The following KCNIP1 variants were observed in gnomAD, a reference collection of about 807,000 sequenced individuals.
KCNIP1 encodes potassium voltage-gated channel interacting protein 1, also known as A-type potassium channel modulatory protein KCNIP1.
A neutral mutation model predicts 33.0 loss-of-function variants in KCNIP1; 18 were observed. That is an observed-to-expected ratio of 0.55 (90% CI 0.38 to 0.81). KCNIP1 has a LOEUF of 0.81. Among genes scored for constraint, KCNIP1 ranks in the 30% least tolerant of loss-of-function variants. The pLI, the probability that KCNIP1 is intolerant of heterozygous loss-of-function variation, is 0.00. For synonymous variants in KCNIP1, 93 were observed against 98.3 expected (o/e 0.95, Z 0.32); for missense variants, 238 against 271.6 (o/e 0.88, Z 0.87).
chr5:170,420,590 G>A (rs1410181563), intron 1 of KCNIP1: 1 of 151,580 alleles, frequency 6.6e-6, no homozygotes, highest in Non-Finnish European at 1.5e-5. Flanking sequence ...TATAAAATAT[G>A]TGTTAATCAA....
intron 1 of KCNIP1, among the ~76,000 whole-genome samples, chr5:170,394,715 TACCCAAAAA>T (rs1754713910): frequency 6.6e-6 from 1 of 152,180 alleles, no homozygotes; most frequent in Non-Finnish European, 1.5e-5. Flanking sequence ...GTGAACATAG[TACCCAAAAA>T]GAAGATTTTC....
At chr5:170,718,903 G>A (rs778764319) in intron 2 of KCNIP1, 21 bp downstream of exon 2, 2 of 1,601,686 alleles carry the variant, frequency 1.2e-6, no homozygotes, top group Non-Finnish European at 1.7e-6. Context: ...TGCACGCTCT[G>A]AAGGCCTGGG....
At chr5:170,371,254 T>G (rs1199364923) in intron 1 of KCNIP1, among the ~76,000 whole-genome samples, 1 of 152,158 alleles carries the variant, frequency 6.6e-6, no homozygotes, top group Non-Finnish European at 1.5e-5. Context: ...TGGTCCTGTC[T>G]GTCTTGGCAG....
At chr5:170,416,982 T>C (rs533199580) in intron 1 of KCNIP1, among the ~76,000 whole-genome samples, 43 of 152,356 alleles carry the variant, frequency 2.8e-4, no homozygotes, top group Middle Eastern at 3.4e-3. Context: ...TAATTGAGTG[T>C]ATCTTTTGCC....
At chr5:170,672,682 T>C (rs533329292) in intron 1 of KCNIP1, among the ~76,000 whole-genome samples, 1 of 152,368 alleles carries the variant, frequency 6.6e-6, no homozygotes, top group Non-Finnish European at 1.5e-5. Flanking sequence ...AAATATGTCA[T>C]AGTGTGTCTA....
At chr5:170,540,612 C>T (rs1313137220) in intron 1 of KCNIP1, among the ~76,000 whole-genome samples, 1 of 152,210 alleles carries the variant, frequency 6.6e-6, no homozygotes, top group Non-Finnish European at 1.5e-5. Flanking sequence ...GAAGATTGGG[C>T]AGCCCATCCT....
intron 1 of KCNIP1, among the ~76,000 whole-genome samples, chr5:170,508,949 A>G (rs538368893): frequency 6.6e-5 from 10 of 152,308 alleles, no homozygotes; most frequent in African/African-American, 2.2e-4. Context: ...TCTTGGGGGT[A>G]GGAGCTCGTC....
intron 1 of KCNIP1, among the ~76,000 whole-genome samples, chr5:170,433,372 A>G (rs1371857858): frequency 1.3e-5 from 2 of 152,060 alleles, no homozygotes; most frequent in East Asian, 3.9e-4. Flanking sequence ...TTTTTAGTAG[A>G]GATGGGATTT....
At chr5:170,392,002 G>T (rs13359688) in intron 1 of KCNIP1, among the ~76,000 whole-genome samples, 3,502 of 152,232 alleles carry the variant, frequency 0.023, 126 homozygotes, top group African/African-American at 0.079. Context: ...GCTTCGTAAG[G>T]GCCTCAATAG....
Position 170,489,263 on chromosome 5 carries a change from G to C in KCNIP1, c.88+135299G>C, listed in dbSNP as rs929381324. 2.0e-5 allele frequency among the ~76,000 whole-genome samples: 3 copies of C among 152,230 alleles called. No individual in the cohort carries two copies. The highest frequency in any genetic ancestry group is 2.0e-4 in the Admixed American group (3 of 15,292). On this transcript the variant is annotated intron_variant, in intron 1 of 7. Coordinates refer to the KCNIP1 transcript ENST00000377360. This position sits in a 1 kb window ranked among gnomAD's most constrained non-coding sequence, Gnocchi z 4.3. ...AGATGGAGGACTGCTGGCAGAAACA[G>C]ACAGAAATTTCCCTTGAGAAGGAGA...
At chr5:170,465,243 T>A (rs1408758640) in intron 1 of KCNIP1, among the ~76,000 whole-genome samples, 1 of 152,182 alleles carries the variant, frequency 6.6e-6, no homozygotes, top group Admixed American at 6.5e-5. Context: ...GATCCTACAA[T>A]ATATCCATTA....
At chr5:170,676,006 G>C (rs1762118284) in intron 1 of KCNIP1, among the ~76,000 whole-genome samples, 1 of 151,226 alleles carries the variant, frequency 6.6e-6, no homozygotes, top group Non-Finnish European at 1.5e-5. Context: ...ACAGGTGCAA[G>C]AGCTTGGGCG....
At chr5:170,394,312 A>G (rs1754697705) in intron 1 of KCNIP1, among the ~76,000 whole-genome samples, 1 of 152,192 alleles carries the variant, frequency 6.6e-6, no homozygotes, top group African/African-American at 2.4e-5. Context: ...CCTGTAATTT[A>G]ACATTTATTC....
Position 170,577,966 on chromosome 5 carries a change from A to T in KCNIP1, c.61+73333A>T, listed in dbSNP as rs1433896176. Among the ~76,000 whole-genome samples the T allele has an allele frequency of 2.0e-5, 3 of 152,364 alleles. No homozygotes were observed. In the East Asian group the frequency reaches 5.8e-4, roughly 29 times the overall value. On this transcript the variant is annotated intron_variant, in intron 1 of 7. Coordinates refer to ENST00000328939, the MANE Select transcript of KCNIP1 (RefSeq NM_014592.4). Reference sequence around the variant, plus strand: ...TTACAATTTTTTGCTATCCTAAAAAAAATGTGTCAATGAACAACTTTGAAC... The same window carrying T: ...TTACAATTTTTTGCTATCCTAAAAATAATGTGTCAATGAACAACTTTGAAC...
At chr5:170,672,546 T>C (rs542170605) in intron 1 of KCNIP1, among the ~76,000 whole-genome samples, 1 of 152,344 alleles carries the variant, frequency 6.6e-6, no homozygotes, top group African/African-American at 2.4e-5. Context: ...TTTAAAAAAA[T>C]ATAAGATTAA....
At chr5:170,551,944 ATG>A (rs1489143876) in intron 1 of KCNIP1, among the ~76,000 whole-genome samples, 6 of 150,506 alleles carry the variant, frequency 4.0e-5, no homozygotes, top group African/African-American at 1.5e-4. Flanking sequence ...GTGAGTGTGC[ATG>A]TGTGTCTGAG....
intron 1 of KCNIP1, among the ~76,000 whole-genome samples, chr5:170,691,054 C>T (rs1762700934): frequency 6.6e-6 from 1 of 152,208 alleles, no homozygotes; most frequent in Non-Finnish European, 1.5e-5. Context: ...AAATGATAGA[C>T]TTACTTTCAA....
Position 170,671,894 on chromosome 5 carries a change from G to A in KCNIP1, c.62-46864G>A, listed in dbSNP as rs1195446469. On this transcript the variant is annotated intron_variant, in intron 1 of 7. Transcript: ENST00000328939. ...AAAGCTTAGATGGTAAACTACAGTTGCTCTCAAGCAGTTCACAATGTAACA... is the reference window on the plus strand; with the variant it reads ...AAAGCTTAGATGGTAAACTACAGTTACTCTCAAGCAGTTCACAATGTAACA... Among the ~76,000 whole-genome samples the A allele has an allele frequency of 2.0e-5, 3 of 152,192 alleles. No individual in the cohort carries two copies. In the East Asian group the frequency reaches 5.8e-4, roughly 29 times the overall value.
At chr5:170,590,907 G>T (rs1025645904) in intron 1 of KCNIP1, among the ~76,000 whole-genome samples, 1 of 152,202 alleles carries the variant, frequency 6.6e-6, no homozygotes, top group Non-Finnish European at 1.5e-5. Context: ...GGGAAAGGGA[G>T]CCTGGAGGAA....
Sources: gnomAD v4.1 joint callset for allele counts (sites outside exome capture counted in the v4.1 genomes callset) on GRCh38, gnomAD v4.1.1 for gene constraint, Gnocchi (gnomAD v3.1) non-coding constraint, MANE v1.5 for transcripts, NCBI Gene and HGNC (gene_info 2026-07-23, HGNC 2026-07-21) for gene names.